The following LDLRAD4 variants were observed in gnomAD, a reference collection of about 807,000 sequenced individuals.
The protein encoded by LDLRAD4 is low density lipoprotein receptor class A domain containing 4, also known as low-density lipoprotein receptor class A domain-containing protein 4.
LDLRAD4 carries 5 observed loss-of-function variants against 17.0 expected under a neutral mutation model. The observed-to-expected ratio is 0.29, with a 90% CI of 0.15 to 0.62. The LOEUF (loss-of-function observed/expected upper bound fraction) is 0.62. LDLRAD4 is among the 20% of genes least tolerant of loss of function. LDLRAD4 has a pLI of 0.84. For synonymous variants in LDLRAD4, 168 were observed against 171.8 expected, an observed-to-expected ratio of 0.98 and a Z score of 0.17; for missense variants, 340 against 424.7, an observed-to-expected ratio of 0.80 and a Z score of 1.75.
intron 3 of LDLRAD4, among the ~76,000 whole-genome samples, chr18:13,540,321 A>C (rs762826741): frequency 1.3e-5 from 2 of 152,264 alleles, no homozygotes; most frequent in Non-Finnish European, 2.9e-5. Context: ...CATTGAATAA[A>C]CACAGGGACT....
chr18:13,275,874 G>C (rs1368770606), upstream of LDLRAD4, among the ~76,000 whole-genome samples: 1 of 152,256 alleles, frequency 6.6e-6, no homozygotes, highest in East Asian at 1.9e-4. Context: ...GCTAAAAGTT[G>C]AGTAGGAGAA....
rs1449855419 is a variant in LDLRAD4 at position 13,645,403 on chromosome 18, A to C, written c.667A>C (p.Met223Leu). 1 of 1,614,188 alleles carries C rather than the reference A, an allele frequency of 6.2e-7. No individual in the cohort carries two copies. Among genetic ancestry groups the C allele is most frequent in the Non-Finnish European group, 8.5e-7 (1 of 1,180,030 alleles). The change falls in exon 6 of 6, where the codon ATG (methionine) becomes CTG (leucine). Residue 223 changes from methionine to leucine, a missense_variant. Coordinates refer to ENST00000359446, the Ensembl canonical transcript of LDLRAD4. This position sits in a 1 kb window ranked among gnomAD's most constrained non-coding sequence, Gnocchi z 5.7. ...TGACAGTGATTTAATAGACATTGCT[A>C]TGTATAGCGGGGGTCCATGCCCACC... is the stretch of plus-strand genomic sequence containing the variant.
In LDLRAD4 at chr18:13,288,420, A is replaced by G. The variant is rs558544406; in HGVS notation, c.-383+10232A>G. On this transcript the variant is annotated intron_variant, in intron 1 of 5. Transcript: ENST00000359446. The stretch of plus-strand genomic sequence containing the variant: ...GTTGTTTATATTAAAATTGTGTCCA[A>G]TTTATAGTAAAGAAAAATTTAGTTG... Among the ~76,000 whole-genome samples the G allele has an allele frequency of 9.8e-5, 15 of 152,352 alleles. 1 individual carries two copies. In the South Asian group the frequency reaches 3.1e-3, roughly 32 times the overall value.
chr18:13,346,445 T>A (rs2082693364), intron 1 of LDLRAD4, among the ~76,000 whole-genome samples: 1 of 152,240 alleles, frequency 6.6e-6, no homozygotes, highest in African/African-American at 2.4e-5. Context: ...TGAGAGACAG[T>A]TTGTTAAAAT....
intron 1 of LDLRAD4, among the ~76,000 whole-genome samples, chr18:13,257,137 C>T (rs1479044537): frequency 6.6e-6 from 1 of 152,208 alleles, no homozygotes; most frequent in Non-Finnish European, 1.5e-5. Context: ...CTGGAGGGTC[C>T]GGCGGGACAG....
chr18:13,245,422 A>G (rs2145745084), intron 1 of LDLRAD4, among the ~76,000 whole-genome samples: 1 of 152,312 alleles, frequency 6.6e-6, no homozygotes, highest in East Asian at 1.9e-4. Context: ...CACCTAATTA[A>G]TCTTCATACA....
chr18:13,449,890 G>A (rs1321602351), intron 3 of LDLRAD4, among the ~76,000 whole-genome samples: 2 of 152,148 alleles, frequency 1.3e-5, no homozygotes, highest in African/African-American at 2.4e-5. Flanking sequence ...AGGCCCAACC[G>A]CTCTCTCTGT....
chr18:13,373,540 A>C (rs975282783), intron 1 of LDLRAD4, among the ~76,000 whole-genome samples: 1 of 152,152 alleles, frequency 6.6e-6, no homozygotes, highest in Non-Finnish European at 1.5e-5. Flanking sequence ...TTTTCAAGTA[A>C]GCTTATACTA....
intron 1 of LDLRAD4, among the ~76,000 whole-genome samples, chr18:13,237,997 C>T (rs576450469): frequency 2.0e-5 from 3 of 152,128 alleles, no homozygotes; most frequent in Admixed American, 1.3e-4. Context: ...TGCCTCCTTG[C>T]GAAGTCACGG....
chr18:13,492,665 T>A (rs188284645), intron 3 of LDLRAD4, among the ~76,000 whole-genome samples: 3 of 152,298 alleles, frequency 2.0e-5, no homozygotes, highest in African/African-American at 7.2e-5. Flanking sequence ...CTTAGATCCC[T>A]CCAGAGAAAT....
chr18:13,274,573 T>C (rs1183475978), upstream of LDLRAD4, among the ~76,000 whole-genome samples: 2 of 152,228 alleles, frequency 1.3e-5, no homozygotes, highest in Non-Finnish European at 2.9e-5. Flanking sequence ...GTGGAGACGA[T>C]GATCACGTTT....
At chr18:13,249,106 C>T (rs757902949) in intron 1 of LDLRAD4, among the ~76,000 whole-genome samples, 38 of 152,168 alleles carry the variant, frequency 2.5e-4, no homozygotes, top group South Asian at 4.1e-4. Flanking sequence ...CTGATTGGTA[C>T]GCCATGGTGT....
intron 3 of LDLRAD4, chr18:13,613,455 A>T (rs1162732761): frequency 6.6e-6 from 1 of 152,220 alleles, no homozygotes; most frequent in Non-Finnish European, 1.5e-5. Context: ...TATAGGGGGA[A>T]TTATGGCTTA....
intron 3 of LDLRAD4, chr18:13,562,043 C>T (rs893179332): frequency 5.3e-5 from 8 of 152,262 alleles, no homozygotes; most frequent in African/African-American, 1.7e-4. Context: ...CCTCTCCTCT[C>T]TGGCATGGTA....
intron 1 of LDLRAD4, among the ~76,000 whole-genome samples, chr18:13,267,494 C>T (rs2044285922): frequency 6.6e-6 from 1 of 152,244 alleles, no homozygotes. Flanking sequence ...TGCCCAGGGG[C>T]ATAGCCTGTG....
chr18:13,500,201 C>A (rs1243655549), intron 3 of LDLRAD4, among the ~76,000 whole-genome samples: 2 of 152,184 alleles, frequency 1.3e-5, no homozygotes, highest in African/African-American at 2.4e-5. Flanking sequence ...ACTGTGCAGA[C>A]CCTCTCAGCA....
chr18:13,523,399 G>C (rs994812816), intron 3 of LDLRAD4, among the ~76,000 whole-genome samples: 1 of 152,218 alleles, frequency 6.6e-6, no homozygotes, highest in African/African-American at 2.4e-5. Flanking sequence ...TGGGCCACAT[G>C]GCAAGGAAAC....
chr18:13,445,187 G>A (rs867627993), intron 3 of LDLRAD4, among the ~76,000 whole-genome samples: 4 of 152,228 alleles, frequency 2.6e-5, no homozygotes, highest in African/African-American at 7.2e-5. Flanking sequence ...AAGCACAGAG[G>A]AAATGTGGAG....
chr18:13,340,649 A>T (rs922543353), intron 1 of LDLRAD4, among the ~76,000 whole-genome samples: 17 of 152,150 alleles, frequency 1.1e-4, no homozygotes, highest in African/African-American at 4.1e-4. Flanking sequence ...CAGATATGTG[A>T]TTTGAAGATA....
Sources: allele counts gnomAD v4.1 joint callset (sites outside exome capture counted in the v4.1 genomes callset), GRCh38; gene constraint gnomAD v4.1.1; non-coding constraint Gnocchi (gnomAD v3.1); transcripts MANE v1.5; gene names NCBI Gene and HGNC (gene_info 2026-07-23, HGNC 2026-07-21).